Variants in PHACTR1 observed in about 807,000 individuals in gnomAD.
PHACTR1 encodes RPEL repeat containing 1.
A neutral mutation model predicts 69.2 loss-of-function variants in PHACTR1; 16 were observed. The ratio of observed to expected loss-of-function variants is 0.23; its 90% CI spans 0.16 to 0.35. The LOEUF is 0.35. PHACTR1 is among the 10% of genes least tolerant of loss of function. The pLI is 1.00. For missense variants in PHACTR1, 510 were observed against 734.7 expected (o/e 0.69, Z 3.54); for synonymous variants, 312 against 284.5 (o/e 1.10, Z -0.97).
intron 5 of PHACTR1, among the ~76,000 whole-genome samples, chr6:13,088,473 C>T (rs1404293539): frequency 6.6e-6 from 1 of 152,090 alleles, no homozygotes; most frequent in Non-Finnish European, 1.5e-5. Context: ...CTAGGTGGTT[C>T]TGTACTCCGA....
intron 4 of PHACTR1, among the ~76,000 whole-genome samples, chr6:13,013,582 G>GT (rs1799696474): frequency 6.6e-6 from 1 of 152,210 alleles, no homozygotes; most frequent in Non-Finnish European, 1.5e-5. Flanking sequence ...TTCCGGAGGG[G>GT]TGGGGCTGCC....
intron 4 of PHACTR1, among the ~76,000 whole-genome samples, chr6:13,007,511 A>G (rs983931029): frequency 6.6e-6 from 1 of 152,104 alleles, no homozygotes; most frequent in African/African-American, 2.4e-5. Flanking sequence ...TTAGAATAAG[A>G]GTCTTCCTTG....
intron 5 of PHACTR1, among the ~76,000 whole-genome samples, chr6:13,110,463 T>C (rs953221852): frequency 2.0e-5 from 3 of 152,344 alleles, no homozygotes; most frequent in African/African-American, 7.2e-5. Context: ...TGGTAGTTTT[T>C]CTTTCCCCAA....
In PHACTR1 at chr6:12,729,613, C is replaced by G. The variant is rs139714969; in HGVS notation, c.103+10766C>G. 8.4e-3 allele frequency among the ~76,000 whole-genome samples: 1,283 copies of G among 152,186 alleles called. 24 individuals are homozygous for G. The highest frequency in any genetic ancestry group is 0.029 in the African/African-American group (1,189 of 41,512). On this transcript the variant is annotated intron_variant, in intron 3 of 14. Coordinates refer to ENST00000332995, the MANE Select transcript of PHACTR1 (RefSeq NM_030948.6). ...TCATGGCACGTGAGGCTGTGCCATGCCAGACCAAGGAATCCCAAAGCTGAT... is the reference window on the plus strand; with the variant it reads ...TCATGGCACGTGAGGCTGTGCCATGGCAGACCAAGGAATCCCAAAGCTGAT...
At position 12,821,917 on chromosome 6, in the gene PHACTR1, C is replaced by A. The variant is rs11961592; in HGVS notation, c.250+72127C>A. 7.0e-3 allele frequency among the ~76,000 whole-genome samples: 1,073 copies of A among 152,266 alleles called. 18 individuals carry two copies. The highest frequency in any genetic ancestry group is 0.025 in the African/African-American group (1,022 of 41,552). On this transcript the variant is annotated intron_variant, in intron 4 of 14. Coordinates refer to ENST00000332995, the MANE Select transcript of PHACTR1 (RefSeq NM_030948.6). The stretch of plus-strand genomic sequence containing the variant: ...TCACAGGCTTGACTGCGTCTTTGTA[C>A]ATATTGTTCGGTATTCTGAAAACTC...
intron 7 of PHACTR1, chr6:13,184,885 A>G (rs1247854893): frequency 1.5e-6 from 2 of 1,366,400 alleles, no homozygotes; most frequent in Non-Finnish European, 2.0e-6. Context: ...ACTGCCCCCC[A>G]AAAAACCTGC....
intron 5 of PHACTR1, among the ~76,000 whole-genome samples, chr6:13,101,740 A>G (rs1226471930): frequency 6.6e-6 from 1 of 152,208 alleles, no homozygotes; most frequent in South Asian, 2.1e-4. Context: ...CAGAATCTGA[A>G]TAAGTAGGAG....
chr6:13,192,529 G>A (rs1011311218), intron 7 of PHACTR1, among the ~76,000 whole-genome samples: 3 of 152,232 alleles, frequency 2.0e-5, no homozygotes, highest in African/African-American at 7.2e-5. Flanking sequence ...ATTTAACTTT[G>A]TAGAAGGAAG....
At chr6:13,281,222 G>A (rs778072521) in intron 12 of PHACTR1, 6 of 1,029,024 alleles carry the variant, frequency 5.8e-6, no homozygotes, top group Non-Finnish European at 7.6e-6. Context: ...GAAAGTCAGG[G>A]CTTAACAACT....
intron 4 of PHACTR1, among the ~76,000 whole-genome samples, chr6:12,875,835 T>A (rs755125166): frequency 2.0e-4 from 30 of 152,278 alleles, no homozygotes; most frequent in Middle Eastern, 3.4e-3. Flanking sequence ...TGACAACACA[T>A]GCCTTCTGTG....
At chr6:13,075,446 G>C (rs1270140208) in intron 5 of PHACTR1, among the ~76,000 whole-genome samples, 1 of 152,164 alleles carries the variant, frequency 6.6e-6, no homozygotes, top group Admixed American at 6.6e-5. Context: ...TCTTTGTAAT[G>C]ACCCTGGTAC....
At chr6:13,243,183 GT>G (rs537467371) in intron 10 of PHACTR1, among the ~76,000 whole-genome samples, 3 of 151,130 alleles carry the variant, frequency 2.0e-5, no homozygotes, top group Admixed American at 6.6e-5. Flanking sequence ...TGATTCTGAG[GT>G]TTTTTTCCTC....
intron 4 of PHACTR1, among the ~76,000 whole-genome samples, chr6:13,017,210 G>GAAAAAAAAAAAAAAA (rs1800317633): frequency 1.0e-5 from 1 of 100,292 alleles, no homozygotes; most frequent in African/African-American, 6.0e-5. Context: ...AAAAAAAAAT[G>GAAAAAAAAAAAAAAA]CATCAACAAC....
intron 10 of PHACTR1, among the ~76,000 whole-genome samples, chr6:13,240,019 G>A (rs1453697448): frequency 1.3e-5 from 2 of 150,972 alleles, no homozygotes; most frequent in African/African-American, 4.9e-5. Context: ...GAACACAATC[G>A]ATCTTAGTGT....
chr6:13,098,779 A>C (rs1249198044), intron 5 of PHACTR1, among the ~76,000 whole-genome samples: 1 of 152,088 alleles, frequency 6.6e-6, no homozygotes, highest in Non-Finnish European at 1.5e-5. Flanking sequence ...TATTTCTGGG[A>C]TGTGTTCACT....
At chr6:12,833,984 T>G (rs1410976362) in intron 4 of PHACTR1, among the ~76,000 whole-genome samples, 2 of 152,152 alleles carry the variant, frequency 1.3e-5, no homozygotes, top group African/African-American at 4.8e-5. Context: ...AGGTCTCAGT[T>G]TGGAGCTGCC....
chr6:13,137,976 G>A (rs112970866), intron 5 of PHACTR1, among the ~76,000 whole-genome samples: 1,947 of 152,342 alleles, frequency 0.013, 39 homozygotes, highest in African/African-American at 0.042. Flanking sequence ...AGCAACCATT[G>A]TCAAAGAGAA....
intron 11 of PHACTR1, among the ~76,000 whole-genome samples, chr6:13,276,316 G>A (rs1488043756): frequency 6.6e-6 from 1 of 152,178 alleles, no homozygotes; most frequent in African/African-American, 2.4e-5. Context: ...CGGTTGGGGG[G>A]CCAAATCAGG....
intron 4 of PHACTR1, among the ~76,000 whole-genome samples, chr6:12,885,139 T>A (rs1405508961): frequency 1.3e-5 from 2 of 152,076 alleles, no homozygotes; most frequent in Non-Finnish European, 2.9e-5. Flanking sequence ...CAGCCTAGAG[T>A]GAGGTTGCCA....
Sources: gnomAD v4.1 joint callset for allele counts (sites outside exome capture counted in the v4.1 genomes callset) on GRCh38, gnomAD v4.1.1 for gene constraint, MANE v1.5 for transcripts, NCBI Gene and HGNC (gene_info 2026-07-23, HGNC 2026-07-21) for gene names.